Variants in SNX8 observed in about 807,000 individuals in gnomAD.
SNX8 encodes the protein sorting nexin-8.
Under a neutral mutation model 51.6 loss-of-function variants are expected in SNX8, and 25 were observed. The ratio of observed to expected loss-of-function variants is 0.48; its 90% CI spans 0.35 to 0.68. The LOEUF (loss-of-function observed/expected upper bound fraction) is 0.68. SNX8 is among the 30% of genes least tolerant of loss of function. The probability of loss-of-function intolerance (pLI) is 0.00; values close to 1 mark genes in which losing one functional copy is unlikely to be tolerated. For missense variants in SNX8, 695 were observed against 624.0 expected, an observed-to-expected ratio of 1.11 and a Z score of -1.21; for synonymous variants, 324 against 277.0, an observed-to-expected ratio of 1.17 and a Z score of -1.68.
At chr7:2,320,033 G>A (rs1021617421) in intron 1 of SNX8, among the ~76,000 whole-genome samples, 2 of 152,014 alleles carry the variant, frequency 1.3e-5, no homozygotes, top group African/African-American at 4.8e-5. Context: ...AAGTATAAAA[G>A]TACAATAATA....
chr7:2,310,758 G>A (rs1796643245), intron 1 of SNX8, among the ~76,000 whole-genome samples: 1 of 78,464 alleles, frequency 1.3e-5, no homozygotes, highest in South Asian at 3.6e-4. Context: ...GCAAAAGAGT[G>A]AAACTACGTC....
In SNX8 at chr7:2,271,868, G is replaced by C. The variant is rs1343352809; in HGVS notation, c.522C>G (p.Phe174Leu). The C allele has an allele frequency of 1.2e-6, 2 of 1,611,562 alleles. No homozygotes were observed. Among genetic ancestry groups the C allele is most frequent in the Non-Finnish European group, 1.7e-6 (2 of 1,179,062 alleles). Residue 174 changes from phenylalanine to leucine, a missense_variant, in exon 4 of 11, where the codon TTC (phenylalanine) becomes TTG (leucine). By Grantham distance (22) the Phe-to-Leu change is conservative (BLOSUM62 0). Transcript: ENST00000222990. ...LFSEDVVLKL[F>L]LSFSGSDVQN... is the part of the protein sequence containing the mutation. Reference sequence around the variant, plus strand: ...CACTCACCGAGCCGCTGAAGGACAGGAAGAGCTTGAGGACCACATCCTCGG... The same window carrying C: ...CACTCACCGAGCCGCTGAAGGACAGCAAGAGCTTGAGGACCACATCCTCGG...
At chr7:2,311,720 G>T (rs551015758) in intron 1 of SNX8, among the ~76,000 whole-genome samples, 29 of 152,152 alleles carry the variant, frequency 1.9e-4, no homozygotes, top group African/African-American at 7.0e-4. Flanking sequence ...GCTAGATCAC[G>T]AGGTCAGGAG....
At position 2,284,971 on chromosome 7, in the gene SNX8, T is replaced by G. The variant is rs371872482; in HGVS notation, c.95-6666A>C. Among the ~76,000 whole-genome samples, 254 of 151,926 alleles carry G rather than the reference T, an allele frequency of 1.7e-3. 1 individual carries two copies. Among genetic ancestry groups the G allele is most frequent in the African/African-American group, 5.7e-3 (237 of 41,504 alleles). ...TCACGCCTGTAAATCCCAGCACTTTTGGAGGCTGAGGTGGGCGGATCACAA... is the reference window on the plus strand; with the variant it reads ...TCACGCCTGTAAATCCCAGCACTTTGGGAGGCTGAGGTGGGCGGATCACAA... On this transcript the variant is annotated intron_variant, in intron 1 of 10. Transcript: ENST00000222990.
intron 10 of SNX8, 30 bp downstream of exon 10, chr7:2,256,844 G>A (rs773121356): frequency 2.3e-5 from 37 of 1,595,098 alleles, no homozygotes; most frequent in African/African-American, 4.0e-5. Flanking sequence ...GGCCGTGGCC[G>A]AGACGGCGGC....
intron 1 of SNX8, among the ~76,000 whole-genome samples, chr7:2,339,530 G>A (rs1168187677): frequency 6.6e-6 from 1 of 152,114 alleles, no homozygotes; most frequent in African/African-American, 2.4e-5. Context: ...CTAAAGAGAT[G>A]AAGACCTAGA....
intron 1 of SNX8, among the ~76,000 whole-genome samples, chr7:2,352,987 C>T (rs1319495151): frequency 2.6e-5 from 4 of 152,036 alleles, no homozygotes; most frequent in South Asian, 2.1e-4. Flanking sequence ...GCTTCTTTTT[C>T]GCTCTTTTAA....
intron 1 of SNX8, among the ~76,000 whole-genome samples, chr7:2,342,034 C>A (rs938350620): frequency 1.3e-5 from 2 of 150,168 alleles, no homozygotes; most frequent in Non-Finnish European, 1.5e-5. Context: ...CTGAGACGGG[C>A]GGATCACAAG....
Position 2,257,450 on chromosome 7 carries a change from C to T in SNX8, c.1049G>A (p.Ser350Asn). The T allele has an allele frequency of 6.2e-7, 1 of 1,609,896 alleles. No homozygotes were observed. The highest frequency in any genetic ancestry group is 8.5e-7 in the Non-Finnish European group (1 of 1,179,042). ...HKHQRALHKYSLMKRQMMSAT... is the reference protein window; with the variant it reads ...HKHQRALHKYNLMKRQMMSAT... ...GCTCATCATCTGCCTCTTCATCAGGCTGTACTTGTGCAGGGCCCGCTGGTG... is the reference window on the plus strand; with the variant it reads ...GCTCATCATCTGCCTCTTCATCAGGTTGTACTTGTGCAGGGCCCGCTGGTG... Residue 350 changes from serine to asparagine, a missense_variant, in exon 9 of 11, where the codon AGC becomes AAC. Physicochemically the swap from Ser to Asn is conservative, Grantham distance 46 (BLOSUM62 1). Transcript: ENST00000222990.
At chr7:2,312,763 C>CA (rs1796683072) in intron 1 of SNX8, among the ~76,000 whole-genome samples, 1 of 152,104 alleles carries the variant, frequency 6.6e-6, no homozygotes, top group East Asian at 1.9e-4. Flanking sequence ...TGTCCCCCCC[C>CA]ACCAAGAAGA....
intron 1 of SNX8, among the ~76,000 whole-genome samples, chr7:2,291,702 G>C (rs992911166): frequency 6.6e-6 from 1 of 151,864 alleles, no homozygotes; most frequent in Non-Finnish European, 1.5e-5. Context: ...CAGGCTCCAA[G>C]CTCAGTTCAA....
chr7:2,295,592 CAAAA>C (rs147853805), intron 1 of SNX8, among the ~76,000 whole-genome samples: 1,848 of 93,278 alleles, frequency 0.02, 42 homozygotes, highest in African/African-American at 0.083. Flanking sequence ...GTAATCCCAG[CAAAA>C]AAAAAAAAAA....
At chr7:2,306,248 C>T (rs985226595) in intron 1 of SNX8, among the ~76,000 whole-genome samples, 3 of 152,154 alleles carry the variant, frequency 2.0e-5, no homozygotes, top group African/African-American at 7.2e-5. Flanking sequence ...CTTCCTCAGG[C>T]TCCCGAGTAG....
upstream of SNX8, among the ~76,000 whole-genome samples, chr7:2,318,151 T>A (rs1796784119): frequency 6.6e-6 from 1 of 152,050 alleles, no homozygotes; most frequent in South Asian, 2.1e-4. Flanking sequence ...CCTCAATCAG[T>A]CCTCCCACCT....
At chr7:2,309,058 G>C (rs2115203718) in intron 1 of SNX8, among the ~76,000 whole-genome samples, 1 of 152,082 alleles carries the variant, frequency 6.6e-6, no homozygotes, top group South Asian at 2.1e-4. Context: ...CAAAGTGCTG[G>C]GATTACAGGC....
chr7:2,287,813 A>C (rs1486522885), intron 1 of SNX8: 1 of 151,396 alleles, frequency 6.6e-6, no homozygotes, highest in Non-Finnish European at 1.5e-5. Flanking sequence ...GGCTGGGCGC[A>C]GTGGCTCATG....
At chr7:2,330,722 A>C (rs1778715100) in intron 1 of SNX8, among the ~76,000 whole-genome samples, 1 of 151,976 alleles carries the variant, frequency 6.6e-6, no homozygotes, top group African/African-American at 2.4e-5. Context: ...ATCTGTGGGA[A>C]ACCCCCACAC....
chr7:2,288,291 T>C (rs1344707349), intron 1 of SNX8: 1 of 147,096 alleles, frequency 6.8e-6, no homozygotes, highest in Non-Finnish European at 1.5e-5. Flanking sequence ...TGGAGGTTGC[T>C]GTGAGCCGAG....
chr7:2,320,600 T>C (rs1471447652), intron 1 of SNX8, among the ~76,000 whole-genome samples: 1 of 151,526 alleles, frequency 6.6e-6, no homozygotes, highest in Non-Finnish European at 1.5e-5. Context: ...GGTGTGTTCC[T>C]GTAGTCCCAG....
Sources: gnomAD v4.1 joint callset for allele counts (sites outside exome capture counted in the v4.1 genomes callset) on GRCh38, gnomAD v4.1.1 for gene constraint, MANE v1.5 for transcripts, NCBI Gene and HGNC (gene_info 2026-07-23, HGNC 2026-07-21) for gene names.